Variants in SYNE2 observed in about 807,000 individuals in gnomAD.
SYNE2 encodes the protein nesprin-2.
Under a neutral mutation model 856.3 loss-of-function variants are expected in SYNE2, and 431 were observed. The observed-to-expected ratio is 0.50, with a 90% CI of 0.47 to 0.55. SYNE2 has a LOEUF of 0.55. Ranked by LOEUF, SYNE2 falls within the 20% of genes least tolerant of loss-of-function variation. The probability of loss-of-function intolerance (pLI) is 0.00; values close to 1 mark genes in which losing one functional copy is unlikely to be tolerated. For synonymous variants in SYNE2, 2,923 were observed against 2,872.3 expected, an observed-to-expected ratio of 1.02 and a Z score of -0.56; for missense variants, 8,129 against 8,023.2, an observed-to-expected ratio of 1.01 and a Z score of -0.50.
rs560168022 is a variant in SYNE2 at position 64,220,140 on chromosome 14, G to A, written c.19861-297G>A. 7.9e-5 allele frequency among the ~76,000 whole-genome samples: 12 copies of A among 152,278 alleles called. No individual in the cohort carries two copies. In the South Asian group the frequency reaches 8.3e-4, roughly 11 times the overall value. The stretch of plus-strand genomic sequence containing the variant: ...AGAATAACCACATATACTTTATCTG[G>A]AAGACCTTTAGTCGGTCCAGAAACA... On this transcript the variant is annotated intron_variant, in intron 110 of 115. Transcript: ENST00000555002.
intron 8 of SYNE2, chr14:63,960,831 G>A: frequency 2.7e-6 from 2 of 753,214 alleles, no homozygotes; most frequent in Non-Finnish European, 4.9e-6. Flanking sequence ...GACTGTTTGA[G>A]GCCAGGAGTT....
chr14:63,984,419 C>T (rs1223300014), intron 18 of SYNE2, among the ~76,000 whole-genome samples: 1 of 152,170 alleles, frequency 6.6e-6, no homozygotes, highest in Non-Finnish European at 1.5e-5. Context: ...ACAGAGCAGT[C>T]CTGATTCTGA....
chr14:64,019,486 T>C (rs959636426), intron 34 of SYNE2, among the ~76,000 whole-genome samples: 1 of 152,218 alleles, frequency 6.6e-6, no homozygotes, highest in Non-Finnish European at 1.5e-5. Flanking sequence ...CCTGGATAAA[T>C]GATAATAGGT....
intron 2 of SYNE2, among the ~76,000 whole-genome samples, chr14:63,915,945 A>G (rs903244958): frequency 2.6e-5 from 4 of 152,192 alleles, no homozygotes; most frequent in Admixed American, 2.0e-4. Context: ...TGGAGATGCA[A>G]TGTTTAATTT....
chr14:63,967,306 C>T (rs2096406876), intron 10 of SYNE2, among the ~76,000 whole-genome samples: 1 of 152,196 alleles, frequency 6.6e-6, no homozygotes, highest in Non-Finnish European at 1.5e-5. Context: ...TATTCATGAA[C>T]ACTTTGAAAA....
At chr14:64,184,755 AT>A (rs1484709587) in intron 96 of SYNE2, among the ~76,000 whole-genome samples, 3 of 152,384 alleles carry the variant, frequency 2.0e-5, no homozygotes, top group Admixed American at 2.0e-4. Context: ...GGTAATAAAA[AT>A]GTTAAATACC....
chr14:63,877,264 G>A (rs1201071507), intron 1 of SYNE2, among the ~76,000 whole-genome samples: 3 of 152,054 alleles, frequency 2.0e-5, no homozygotes, highest in Middle Eastern at 3.4e-3. Context: ...ATTGAACTTG[G>A]AGAAAAAAAT....
intron 59 of SYNE2, among the ~76,000 whole-genome samples, chr14:64,090,094 G>A (rs886851655): frequency 6.6e-6 from 1 of 152,146 alleles, no homozygotes; most frequent in African/African-American, 2.4e-5. Context: ...CCCTGACAGA[G>A]GAGCTGGGAC....
chr14:63,951,438 C>T (rs948863854), intron 7 of SYNE2, among the ~76,000 whole-genome samples: 3 of 152,052 alleles, frequency 2.0e-5, no homozygotes, highest in Non-Finnish European at 4.4e-5. Context: ...CTGTAGCTGG[C>T]ATTACAGCTG....
intron 67 of SYNE2, 55 bp downstream of exon 67, chr14:64,119,664 G>A (rs1016320654): frequency 5.1e-6 from 8 of 1,583,426 alleles, no homozygotes; most frequent in Non-Finnish European, 6.9e-6. Context: ...TGGCAGACCT[G>A]CCAGAAGAGA....
At chr14:63,969,320 C>T (rs964135194) in intron 11 of SYNE2, among the ~76,000 whole-genome samples, 2 of 149,090 alleles carry the variant, frequency 1.3e-5, no homozygotes, top group Admixed American at 6.8e-5. Context: ...AGGTGCATGC[C>T]ACCATGCCTG....
At position 64,225,767 on chromosome 14, in the gene SYNE2, T is replaced by TA. The variant is rs1243866045; in HGVS notation, c.*242dup. On this transcript the variant is annotated 3_prime_UTR_variant, in exon 116 of 116. Transcript: ENST00000555002. Reference sequence around the variant, plus strand: ...GGGTATTTTGGCAGAACTAGTTGATTAGTTTAGGGATCTCTGGAAATGTCA... The same window carrying TA: ...GGGTATTTTGGCAGAACTAGTTGATTAAGTTTAGGGATCTCTGGAAATGTCA... 6 of 601,868 alleles carry TA rather than the reference T, an allele frequency of 1.0e-5. No homozygotes were observed. The highest frequency in any genetic ancestry group is 7.4e-5 in the African/African-American group (4 of 54,004). 37.3% of individuals were successfully genotyped at this position (601,868 alleles called of 1,614,324 possible).
chr14:64,121,505 T>C (rs763620161), intron 68 of SYNE2, among the ~76,000 whole-genome samples: 34 of 152,108 alleles, frequency 2.2e-4, no homozygotes, highest in Non-Finnish European at 4.6e-4. Flanking sequence ...CCTGGGGTGA[T>C]AGCGTGAGAC....
At chr14:64,202,143 G>T (rs2098573187) in intron 99 of SYNE2, 2 of 701,218 alleles carry the variant, frequency 2.9e-6, no homozygotes, top group African/African-American at 3.5e-5. Flanking sequence ...ATCACATTTA[G>T]AACTGCGCTT....
chr14:63,804,667 A>G (rs1338181840), intron 1 of SYNE2, among the ~76,000 whole-genome samples: 1 of 152,000 alleles, frequency 6.6e-6, no homozygotes, highest in East Asian at 1.9e-4. Flanking sequence ...CTAACTTTGT[A>G]TTCTTAGTAG....
chr14:63,780,914 C>A (rs897125615), intron 1 of SYNE2, among the ~76,000 whole-genome samples: 1 of 152,058 alleles, frequency 6.6e-6, no homozygotes, highest in Non-Finnish European at 1.5e-5. Context: ...AACAAAGGAG[C>A]TTTCTGGGGT....
chr14:64,082,365 T>C (rs2097531064), intron 57 of SYNE2, among the ~76,000 whole-genome samples: 1 of 150,668 alleles, frequency 6.6e-6, no homozygotes, highest in Non-Finnish European at 1.5e-5. Flanking sequence ...CCGGTAAGTA[T>C]AATACTTACA....
chr14:63,958,562 A>G (rs2994422), intron 8 of SYNE2, among the ~76,000 whole-genome samples: 103,647 of 152,104 alleles, frequency 0.68, 35,556 homozygotes, highest in South Asian at 0.78. Flanking sequence ...ATTACTGTCA[A>G]TGCTTACCTT....
At chr14:63,880,873 G>A (rs1566694760) in intron 1 of SYNE2, among the ~76,000 whole-genome samples, 1 of 150,872 alleles carries the variant, frequency 6.6e-6, no homozygotes. Context: ...TTGAGACGGA[G>A]TCTTGCTCTG....
Sources: allele counts gnomAD v4.1 joint callset (sites outside exome capture counted in the v4.1 genomes callset), GRCh38; gene constraint gnomAD v4.1.1; transcripts MANE v1.5; gene names NCBI Gene and HGNC (gene_info 2026-07-23, HGNC 2026-07-21).